SPRYD3: variants seen among roughly 807,000 people sequenced by gnomAD.
SPRYD3 encodes SPRY domain containing 3, also known as SPRY domain-containing protein 3.
A neutral mutation model predicts 50.1 loss-of-function variants in SPRYD3; 17 were observed. That is an observed-to-expected ratio of 0.34 (90% CI 0.23 to 0.51). The LOEUF is 0.51. Ranked by LOEUF, SPRYD3 falls within the 20% of genes least tolerant of loss-of-function variation. The pLI, the probability that SPRYD3 is intolerant of heterozygous loss-of-function variation, is 0.97. For missense variants in SPRYD3, 401 were observed against 591.2 expected (o/e 0.68, Z 3.34); for synonymous variants, 198 against 215.5 (o/e 0.92, Z 0.71).
chr12:53,076,172 G>A (rs1592266949), intron 2 of SPRYD3, among the ~76,000 whole-genome samples: 1 of 152,306 alleles, frequency 6.6e-6, no homozygotes, highest in Non-Finnish European at 1.5e-5. Context: ...GTCCTCAGTG[G>A]AGCTGGAGAA....
At chr12:53,066,001 AG>A (rs1461798064) in intron 10 of SPRYD3, 35 bp from the exon 11 acceptor site, 2 of 1,601,326 alleles carry the variant, frequency 1.2e-6, no homozygotes, top group African/African-American at 1.3e-5. Flanking sequence ...TGGAGCAAGC[AG>A]GCTGTGGCCT....
intron 8 of SPRYD3, 81 bp downstream of exon 8, chr12:53,067,567 G>T: frequency 7.2e-7 from 1 of 1,380,486 alleles, no homozygotes; most frequent in Non-Finnish European, 1.0e-6. Flanking sequence ...ATTTGTGAGG[G>T]GCCAGGAGAG....
At chr12:53,068,113 T>G in intron 7 of SPRYD3, 42 bp downstream of exon 7, 1 of 1,612,606 alleles carries the variant, frequency 6.2e-7, no homozygotes, top group Non-Finnish European at 8.5e-7. Context: ...GCCCCAGACC[T>G]GAGCAGCTCC....
intron 6 of SPRYD3, among the ~76,000 whole-genome samples, chr12:53,069,334 T>C (rs1179077798): frequency 6.6e-6 from 1 of 152,004 alleles, no homozygotes; most frequent in East Asian, 1.9e-4. Flanking sequence ...CTCCTCCACG[T>C]CTCCCTGGCA....
rs1944498947 is a variant in SPRYD3 at position 53,065,750 on chromosome 12, G to A, written c.*82C>T. ...ACCTCCAGGGGCCTGCTGGGTAAAC[G>A]AAGCCTCTGGGAAGTCAGGAACTGG... On this transcript the variant is annotated 3_prime_UTR_variant, in exon 11 of 11. Coordinates refer to ENST00000301463, the MANE Select transcript of SPRYD3 (RefSeq NM_032840.3). 7 of 1,470,600 alleles carry A rather than the reference G, an allele frequency of 4.8e-6. No individual in the cohort carries two copies. The highest frequency in any genetic ancestry group is 3.8e-5 in the Admixed American group (2 of 52,300). 91.1% of individuals were successfully genotyped at this position (1,470,600 alleles called of 1,614,324 possible).
In SPRYD3 at chr12:53,074,908, C is replaced by G. The variant is rs556426636; in HGVS notation, c.372-124G>C. The G allele has an allele frequency of 1.4e-6, 2 of 1,384,276 alleles. No homozygotes were observed. Among genetic ancestry groups the G allele is most frequent in the African/African-American group, 1.4e-5 (1 of 70,340 alleles). 85.7% of individuals were successfully genotyped at this position (1,384,276 alleles called of 1,614,324 possible). A position where few individuals can be genotyped will look rare whatever the true frequency, so the allele number is the denominator to read the frequency against. ...GTCATTCTGTGATGGTACCCACTTA[C>G]GTCCTGGCGTGAGCATCACCCTCCT... On this transcript the variant is annotated intron_variant, in intron 4 of 10. Coordinates refer to ENST00000301463, the MANE Select transcript of SPRYD3 (RefSeq NM_032840.3). The surrounding 1 kb of genome is among the most constrained non-coding windows in gnomAD (Gnocchi z 4.6).
At chr12:53,069,037 G>A (rs1326355599) in intron 6 of SPRYD3, among the ~76,000 whole-genome samples, 1 of 152,106 alleles carries the variant, frequency 6.6e-6, no homozygotes, top group Non-Finnish European at 1.5e-5. Flanking sequence ...GTTGGAGTAG[G>A]GGCGTGGAGG....
intron 2 of SPRYD3, among the ~76,000 whole-genome samples, chr12:53,076,120 C>T (rs1944587318): frequency 6.6e-6 from 1 of 152,212 alleles, no homozygotes; most frequent in South Asian, 2.1e-4. Context: ...TGTGTAACCT[C>T]AATCTCTCAT....
In SPRYD3 at chr12:53,079,368, G is replaced by A. The variant is rs1047566420; in HGVS notation, c.-35C>T. 3.8e-6 allele frequency: 6 copies of A among 1,596,706 alleles called. No individual in the cohort carries two copies. The highest frequency in any genetic ancestry group is 5.1e-6 in the Non-Finnish European group (6 of 1,172,292). On this transcript the variant is annotated 5_prime_UTR_variant, in exon 1 of 11. Transcript: ENST00000301463. ...TCTCAGCTCCGCACACAAGCTCTTC[G>A]GCCGCCGCCACCACACACATCCGGG...
intron 10 of SPRYD3, 108 bp downstream of exon 10, chr12:53,066,206 A>G (rs1165466291): frequency 5.2e-6 from 8 of 1,535,616 alleles, no homozygotes; most frequent in Non-Finnish European, 7.1e-6. Context: ...GGGCAACGCC[A>G]GAGCTTCCCG....
chr12:53,073,433 C>T lies in SPRYD3; in HGVS notation c.546G>A (p.Leu182=). The change falls in exon 6 of 11, where the codon CTG becomes CTA. Residue 182 remains leucine (L), a synonymous_variant. Coordinates refer to ENST00000301463, the MANE Select transcript of SPRYD3 (RefSeq NM_032840.3). ...GGGAGTGCATGCCCACTGCTGGGAA[C>T]AGTCCATCTGGGGACATGGGCATGA... ...STIMPMSPDG[L]FPAVGMHSLG... 6.4e-7 allele frequency: 1 copy of T among 1,570,202 alleles called. No homozygotes were observed. Among genetic ancestry groups the T allele is most frequent in the Non-Finnish European group, 8.6e-7 (1 of 1,156,856 alleles).
chr12:53,067,755 C>T lies in SPRYD3; in HGVS notation c.844-50G>A, dbSNP rs781087464. ...TCTATGGTCCCATGCATAAACAAGACAGGAGAGAGTGGCGAGTAGCATCTG... is the reference window on the plus strand; with the variant it reads ...TCTATGGTCCCATGCATAAACAAGATAGGAGAGAGTGGCGAGTAGCATCTG... On this transcript the variant is annotated intron_variant, in intron 7 of 10. Coordinates refer to ENST00000301463, the MANE Select transcript of SPRYD3 (RefSeq NM_032840.3). 9 of 1,554,696 alleles carry T rather than the reference C, an allele frequency of 5.8e-6. No homozygotes were observed. In the South Asian group the frequency reaches 7.8e-5, roughly 13 times the overall value.
At chr12:53,068,401 G>T in intron 6 of SPRYD3, 97 bp from the exon 7 acceptor site, 1 of 1,396,956 alleles carries the variant, frequency 7.2e-7, no homozygotes, top group South Asian at 1.3e-5. Flanking sequence ...TCCCAGGTCT[G>T]ACAAAAACTC....
chr12:53,071,357 A>T (rs1213793042), intron 6 of SPRYD3, among the ~76,000 whole-genome samples: 2 of 152,162 alleles, frequency 1.3e-5, no homozygotes. Context: ...CTAATCCCCC[A>T]GCTGTTACCT....
chr12:53,068,388 C>T, intron 6 of SPRYD3, 84 bp from the exon 7 acceptor site: 4 of 1,509,202 alleles, frequency 2.7e-6, no homozygotes, highest in Non-Finnish European at 2.7e-6. Context: ...CTGGGTCCCA[C>T]TTTCCCAGGT....
Position 53,075,777 on chromosome 12 carries a change from C to T in SPRYD3, c.205G>A (p.Val69Met), listed in dbSNP as rs759073618. The T allele has an allele frequency of 5.0e-6, 8 of 1,613,956 alleles. No homozygotes were observed. Among genetic ancestry groups the T allele is most frequent in the African/African-American group, 1.3e-5 (1 of 74,880 alleles). Residue 69 changes from valine to methionine, a missense_variant, in exon 3 of 11, where the codon GTG (valine) becomes ATG (methionine). Physicochemically the swap from Val to Met is conservative, Grantham distance 21. Transcript: ENST00000301463. ...TCCTTGGTCAGGGGTCGAGAAGCCA[C>T]GTAGCAGCCAACTTCACCAGAGTTT... is the stretch of plus-strand genomic sequence containing the variant. ...HGNSGEVGCY[V>M]ASRPLTKDSN...
At position 53,064,580 on chromosome 12, in the gene SPRYD3, C is replaced by A. The variant is rs1944483227; in HGVS notation, c.*1252G>T. 6.5e-6 allele frequency: 1 copy of A among 152,686 alleles called. No homozygotes were observed. The highest frequency in any genetic ancestry group is 1.5e-5 in the Non-Finnish European group (1 of 68,096). 9.5% of individuals were successfully genotyped at this position (152,686 alleles called of 1,614,324 possible). Reference sequence around the variant, plus strand: ...CCTAGCCCAGTGGACTAGAAAGGCTCCTGGTTCCGGCCATACTGATAAATA... The same window carrying A: ...CCTAGCCCAGTGGACTAGAAAGGCTACTGGTTCCGGCCATACTGATAAATA... On this transcript the variant is annotated 3_prime_UTR_variant, in exon 11 of 11. Coordinates refer to ENST00000301463, the MANE Select transcript of SPRYD3 (RefSeq NM_032840.3).
intron 6 of SPRYD3, 27 bp downstream of exon 6, chr12:53,073,259 C>CGGGGGGGGGGGGGGGG: frequency 2.5e-6 from 1 of 400,930 alleles, no homozygotes; most frequent in Non-Finnish European, 4.6e-6. Context: ...CGACCCAGCC[C>CGGGGGGGGGGGGGGGG]CTCCCACCCT....
intron 8 of SPRYD3, 39 bp from the exon 9 acceptor site, chr12:53,066,731 G>A: frequency 6.4e-7 from 1 of 1,571,318 alleles, no homozygotes; most frequent in Non-Finnish European, 8.6e-7. Flanking sequence ...CTTGAGGAAG[G>A]AGGGCTGACA....
Sources: allele counts gnomAD v4.1 joint callset (sites outside exome capture counted in the v4.1 genomes callset), GRCh38; gene constraint gnomAD v4.1.1; non-coding constraint Gnocchi (gnomAD v3.1); transcripts MANE v1.5; gene names NCBI Gene and HGNC (gene_info 2026-07-23, HGNC 2026-07-21).